The following PSME4 variants were observed in gnomAD, a reference collection of about 807,000 sequenced individuals.
The protein encoded by PSME4 is proteasome activator complex subunit 4.
Under a neutral mutation model 253.9 loss-of-function variants are expected in PSME4, and 89 were observed. The observed-to-expected ratio is 0.35, with a 90% CI of 0.30 to 0.42. The LOEUF is 0.42. Ranked by LOEUF, PSME4 falls within the 10% of genes least tolerant of loss-of-function variation. The pLI, the probability that PSME4 is intolerant of heterozygous loss-of-function variation, is 1.00. For synonymous variants in PSME4, 851 were observed against 759.2 expected, an observed-to-expected ratio of 1.12 and a Z score of -1.99; for missense variants, 2,014 against 2,195.2, an observed-to-expected ratio of 0.92 and a Z score of 1.65.
chr2:53,890,096 T>G lies in PSME4; in HGVS notation c.4296+8A>C. 1.3e-6 allele frequency: 2 copies of G among 1,592,352 alleles called. No homozygotes were observed. Among genetic ancestry groups the G allele is most frequent in the South Asian group, 2.2e-5 (2 of 90,544 alleles). On this transcript the variant is annotated splice_region_variant and intron_variant, in intron 37 of 46. Transcript: ENST00000404125. ...CAGTTAGACAAAGAAAGATGTAGGG[T>G]AACTTACACAGGATGTTGCTATACA...
At chr2:53,950,533 G>A (rs1269320315) in intron 1 of PSME4, among the ~76,000 whole-genome samples, 1 of 152,070 alleles carries the variant, frequency 6.6e-6, no homozygotes, top group African/African-American at 2.4e-5. Context: ...TTAACTTTAA[G>A]CAAATTTAAG....
intron 1 of PSME4, among the ~76,000 whole-genome samples, chr2:53,959,869 C>G (rs1440873748): frequency 6.6e-6 from 1 of 152,198 alleles, no homozygotes. Flanking sequence ...TTTGGGCCAA[C>G]AACTCGCAAT....
intron 29 of PSME4, 34 bp downstream of exon 29, chr2:53,899,847 T>C (rs1335592762): frequency 3.7e-6 from 6 of 1,606,140 alleles, no homozygotes; most frequent in Non-Finnish European, 5.1e-6. Context: ...CTATCTATAA[T>C]GTCATCTATT....
chr2:53,898,267 T>C (rs377307307), intron 30 of PSME4, 34 bp downstream of exon 30: 48 of 1,571,110 alleles, frequency 3.1e-5, no homozygotes, highest in Non-Finnish European at 4.1e-5. Flanking sequence ...TTATGAAAAA[T>C]GCTGTGAGAA....
At chr2:53,868,126 A>G (rs187833747) in intron 44 of PSME4, among the ~76,000 whole-genome samples, 1 of 152,194 alleles carries the variant, frequency 6.6e-6, no homozygotes, top group East Asian at 1.9e-4. Flanking sequence ...GTGTAACAAA[A>G]GACCTAAAAA....
At chr2:53,878,370 C>T (rs1402241526) in intron 41 of PSME4, among the ~76,000 whole-genome samples, 1 of 152,094 alleles carries the variant, frequency 6.6e-6, no homozygotes, top group Admixed American at 6.6e-5. Context: ...GCCTCAGGAC[C>T]CTGTGATAAT....
intron 41 of PSME4, among the ~76,000 whole-genome samples, chr2:53,882,011 T>G (rs528826460): frequency 6.6e-6 from 1 of 151,882 alleles, no homozygotes; most frequent in African/African-American, 2.4e-5. Flanking sequence ...ATAGGCAAGT[T>G]TATATATAGA....
At chr2:53,965,300 G>A (rs1255281843) in intron 1 of PSME4, among the ~76,000 whole-genome samples, 5 of 150,526 alleles carry the variant, frequency 3.3e-5, no homozygotes, top group Non-Finnish European at 5.9e-5. Context: ...CTAGCCTGGA[G>A]TGCAGTGGCG....
At chr2:53,960,365 C>A (rs938564907) in intron 1 of PSME4, among the ~76,000 whole-genome samples, 1 of 149,212 alleles carries the variant, frequency 6.7e-6, no homozygotes, top group African/African-American at 2.5e-5. Context: ...GGCCGCTGTA[C>A]TCCAGCCTGG....
chr2:53,947,751 C>A (rs1669791859), intron 3 of PSME4, among the ~76,000 whole-genome samples: 1 of 152,042 alleles, frequency 6.6e-6, no homozygotes, highest in Middle Eastern at 3.4e-3. Flanking sequence ...CGTGGTGGCT[C>A]ATGCCTATAA....
intron 28 of PSME4, 123 bp from the exon 29 acceptor site, chr2:53,900,140 C>G: frequency 2.2e-6 from 2 of 909,238 alleles, no homozygotes; most frequent in Non-Finnish European, 3.2e-6. Flanking sequence ...TTTTACGATT[C>G]CATTTATATG....
intron 3 of PSME4, among the ~76,000 whole-genome samples, chr2:53,941,841 G>A (rs1400086781): frequency 6.6e-6 from 1 of 151,948 alleles, no homozygotes; most frequent in Non-Finnish European, 1.5e-5. Flanking sequence ...TTGGTTCTGC[G>A]CTACACAGAA....
intron 44 of PSME4, among the ~76,000 whole-genome samples, chr2:53,868,482 AATATAT>A (rs561721048): frequency 2.4e-5 from 2 of 84,508 alleles, no homozygotes; most frequent in East Asian, 1.0e-3. Context: ...ATATATTTAT[AATATAT>A]ATATATATGA....
At chr2:53,958,754 A>G (rs1670347199) in intron 1 of PSME4, among the ~76,000 whole-genome samples, 1 of 151,870 alleles carries the variant, frequency 6.6e-6, no homozygotes, top group Non-Finnish European at 1.5e-5. Flanking sequence ...TACCTAAAAC[A>G]TCTGAAACAA....
At position 53,970,832 on chromosome 2, in the gene PSME4, G is replaced by A; in HGVS notation, c.-48C>T. The A allele has an allele frequency of 9.6e-7, 1 of 1,041,170 alleles. No individual in the cohort carries two copies. Among genetic ancestry groups the A allele is most frequent in the Non-Finnish European group, 1.2e-6 (1 of 835,442 alleles). The allele number at this position is 1,041,170 out of a possible 1,614,324, so 64.5% of individuals were successfully genotyped here. Reference sequence around the variant, plus strand: ...CCCCCTCCCACCCGAACCCTCCCCGGCCCCCACCCCTCTCCGGGCTCCGCC... The same window carrying A: ...CCCCCTCCCACCCGAACCCTCCCCGACCCCCACCCCTCTCCGGGCTCCGCC... On this transcript the variant is annotated 5_prime_UTR_variant, in exon 1 of 47. Transcript: ENST00000404125.
intron 35 of PSME4, 78 bp from the exon 36 acceptor site, chr2:53,893,038 C>T (rs1573228396): frequency 7.2e-7 from 1 of 1,383,416 alleles, no homozygotes; most frequent in East Asian, 2.4e-5. Flanking sequence ...TTATTCTGTA[C>T]ATTACTAACG....
chr2:53,869,412 C>T lies in PSME4; in HGVS notation c.5227G>A (p.Asp1743Asn), dbSNP rs769448534. 8 of 1,610,878 alleles carry T rather than the reference C, an allele frequency of 5.0e-6. No individual in the cohort carries two copies. The highest frequency in any genetic ancestry group is 6.8e-6 in the Non-Finnish European group (8 of 1,177,880). Residue 1743 changes from aspartate (D) to asparagine (N), a missense_variant, in exon 44 of 47, where the codon GAC becomes AAC. Asp to Asn is a conservative substitution (Grantham distance 23). This residue lies in a region of PSME4 where 403 missense variants were observed against 556.1 expected (regional missense o/e 0.72). Transcript: ENST00000404125. ...ATGGTATCTCCTACAGAACCAGGGT[C>T]TCGCTTTCTTTTCTTAGGTAGTTTT... ...KTKLPKKRKR[D>N]PGSVGDTIPS...
intron 3 of PSME4, among the ~76,000 whole-genome samples, chr2:53,944,858 A>G (rs1669629913): frequency 6.6e-6 from 1 of 152,228 alleles, no homozygotes; most frequent in South Asian, 2.1e-4. Context: ...CAAATGCCAT[A>G]AACAAATACC....
At position 53,936,129 on chromosome 2, in the gene PSME4, T is replaced by A; in HGVS notation, c.792A>T (p.Thr264=). The change falls in exon 7 of 47, where the codon ACA becomes ACT. Residue 264 remains threonine (T), a synonymous_variant. Coordinates refer to ENST00000404125, the MANE Select transcript of PSME4 (RefSeq NM_014614.3). Reference sequence around the variant, plus strand: ...CCCAATCTATGTACCCTATATTATCTGTAGCCAATCGAGCAAAGAGATTTA... The same window carrying A: ...CCCAATCTATGTACCCTATATTATCAGTAGCCAATCGAGCAAAGAGATTTA... ...QLVNLFARLA[T]DNIGYIDWDP... 6.2e-7 allele frequency: 1 copy of A among 1,613,670 alleles called. No individual in the cohort carries two copies. The highest frequency in any genetic ancestry group is 8.5e-7 in the Non-Finnish European group (1 of 1,179,740).
Sources: gnomAD v4.1 joint callset for allele counts (sites outside exome capture counted in the v4.1 genomes callset) on GRCh38, gnomAD v4.1.1 for gene constraint, gnomAD v4.1.1 regional missense constraint, MANE v1.5 for transcripts, NCBI Gene and HGNC (gene_info 2026-07-23, HGNC 2026-07-21) for gene names.